LAT2: variants seen among roughly 807,000 people sequenced by gnomAD.
LAT2 encodes the protein linker for activation of T cells family member 2, also known as linker for activation of T-cells family member 2.
In LAT2, 23 loss-of-function variants were observed where a neutral mutation model predicts 43.4. That is an observed-to-expected ratio of 0.53 (90% CI 0.38 to 0.75). The LOEUF (loss-of-function observed/expected upper bound fraction) is 0.75. Ranked by LOEUF, LAT2 falls within the 30% of genes least tolerant of loss-of-function variation. The probability of loss-of-function intolerance (pLI) is 0.00; values close to 1 mark genes in which losing one functional copy is unlikely to be tolerated. For synonymous variants in LAT2, 128 were observed against 123.2 expected, an observed-to-expected ratio of 1.04 and a Z score of -0.26; for missense variants, 284 against 310.2, an observed-to-expected ratio of 0.92 and a Z score of 0.64.
chr7:74,219,807 C>T lies in LAT2; in HGVS notation c.178+20C>T, dbSNP rs1024060803. The stretch of plus-strand genomic sequence containing the variant: ...ACTCCTGTGAGTCTCCAAGTGTCCC[C>T]GGGTTGGGCTCTGGGTTGGGGGTGT... On this transcript the variant is annotated intron_variant, in intron 5 of 13. Coordinates refer to ENST00000460943, the MANE Select transcript of LAT2 (RefSeq NM_032464.3). 48 of 1,613,878 alleles carry T rather than the reference C, an allele frequency of 3.0e-5. No homozygotes were observed. The highest frequency in any genetic ancestry group is 2.3e-4 in the Admixed American group (14 of 60,014).
chr7:74,223,906 C>T (rs1802385507), intron 11 of LAT2, 112 bp from the exon 12 acceptor site: 1 of 1,476,100 alleles, frequency 6.8e-7, no homozygotes, highest in African/African-American at 1.4e-5. Flanking sequence ...CTCTCGGATC[C>T]CCAGGTACCT....
intron 1 of LAT2, among the ~76,000 whole-genome samples, chr7:74,214,364 AT>A (rs1801897955): frequency 1.6e-5 from 1 of 64,460 alleles, no homozygotes; most frequent in Non-Finnish European, 2.6e-5. Flanking sequence ...ATATATAAAT[AT>A]ATATATATGA....
At chr7:74,213,765 A>G (rs1554713542) in intron 1 of LAT2, among the ~76,000 whole-genome samples, 1 of 151,664 alleles carries the variant, frequency 6.6e-6, no homozygotes, top group Admixed American at 6.6e-5. Flanking sequence ...TCCAAGCCTC[A>G]CCTTCCCCAG....
chr7:74,220,797 C>G lies in LAT2; in HGVS notation c.332+63C>G. Reference sequence around the variant, plus strand: ...TCCCCCTGCCCCACCTCTCCCCCTGCCCCACCTCTCCCCCTGCCCCACCTG... The same window carrying G: ...TCCCCCTGCCCCACCTCTCCCCCTGGCCCACCTCTCCCCCTGCCCCACCTG... On this transcript the variant is annotated intron_variant, in intron 9 of 13. Transcript: ENST00000460943. The surrounding 1 kb of genome is among the most constrained non-coding windows in gnomAD (Gnocchi z 4.5). The G allele has an allele frequency of 1.5e-6, 2 of 1,362,918 alleles. No homozygotes were observed. Among genetic ancestry groups the G allele is most frequent in the South Asian group, 2.9e-5 (2 of 69,604 alleles). 84.4% of individuals were successfully genotyped at this position (1,362,918 alleles called of 1,614,324 possible).
At position 74,220,547 on chromosome 7, in the gene LAT2, C is replaced by A. The variant is rs1554715040; in HGVS notation, c.266-37C>A. The A allele has an allele frequency of 6.2e-7, 1 of 1,613,466 alleles. No individual in the cohort carries two copies. Among genetic ancestry groups the A allele is most frequent in the Admixed American group, 1.7e-5 (1 of 59,944 alleles). The stretch of plus-strand genomic sequence containing the variant: ...ACCCGAGCTGGGTGCAAAGCAGGGG[C>A]CAGGGGAGAAAGCAATTAGCTGGGT... On this transcript the variant is annotated intron_variant, in intron 7 of 13. Coordinates refer to ENST00000460943, the MANE Select transcript of LAT2 (RefSeq NM_032464.3). The surrounding 1 kb of genome is among the most constrained non-coding windows in gnomAD (Gnocchi z 4.5).
rs781806954 is a variant in LAT2, at chr7:74,219,009, C to CTT, written c.135-698_135-697dup. Among the ~76,000 whole-genome samples, 28 of 48,800 alleles carry CTT rather than the reference C, an allele frequency of 5.7e-4. 10 individuals carry two copies. Among genetic ancestry groups the CTT allele is most frequent in the Non-Finnish European group, 6.2e-4 (16 of 25,698 alleles). 32.0% of individuals were successfully genotyped at this position (48,800 alleles called of 152,430 possible). ...CACCATGCCGGGTCTAGAGTGTGTG[C>CTT]TTTTTTTTTTTTTTTTTTTTTTTTT... is the stretch of plus-strand genomic sequence containing the variant. On this transcript the variant is annotated intron_variant, in intron 4 of 13. Coordinates refer to ENST00000460943, the MANE Select transcript of LAT2 (RefSeq NM_032464.3).
At chr7:74,221,726 G>A (rs782134197) in intron 10 of LAT2, 34 bp downstream of exon 10, 1 of 1,595,712 alleles carries the variant, frequency 6.3e-7, no homozygotes, top group Non-Finnish European at 8.6e-7. Context: ...GGTGGAGGAA[G>A]TGGTGTGGGA....
At chr7:74,217,585 C>T (rs1000607875) in intron 4 of LAT2, among the ~76,000 whole-genome samples, 1 of 152,170 alleles carries the variant, frequency 6.6e-6, no homozygotes, top group Non-Finnish European at 1.5e-5. Flanking sequence ...TGAACGTTGT[C>T]GGAGACTCCC....
chr7:74,221,637 A>G lies in LAT2; in HGVS notation c.333A>G (p.Ile111Met). 1.2e-6 allele frequency: 2 copies of G among 1,613,228 alleles called. No homozygotes were observed. The highest frequency in any genetic ancestry group is 8.5e-7 in the Non-Finnish European group (1 of 1,179,516). Reference protein sequence around the residue: ...GSRHGSEEAYIDPIAMEYYNW... With the variant: ...GSRHGSEEAYMDPIAMEYYNW... ...GTGTTGTATATGTTTTCTTGGCCAGAGACCCCATTGCCATGGAGTATTACA... is the reference window on the plus strand; with the variant it reads ...GTGTTGTATATGTTTTCTTGGCCAGGGACCCCATTGCCATGGAGTATTACA... Residue 111 changes from isoleucine to methionine, a missense_variant and splice_region_variant, in exon 10 of 14, where the codon ATA becomes ATG. By Grantham distance (10) the Ile-to-Met change is conservative. Coordinates refer to ENST00000460943, the MANE Select transcript of LAT2 (RefSeq NM_032464.3).
At chr7:74,224,300 C>T (rs2116185238) in intron 12 of LAT2, 103 bp downstream of exon 12, 1 of 1,257,388 alleles carries the variant, frequency 8.0e-7, no homozygotes. Flanking sequence ...GCCAGTCCAG[C>T]TAACCCCGCA....
chr7:74,213,413 G>A (rs1215155342), intron 1 of LAT2, among the ~76,000 whole-genome samples: 1 of 144,538 alleles, frequency 6.9e-6, no homozygotes, highest in East Asian at 2.0e-4. Flanking sequence ...GAGCCACTGT[G>A]CCCGGCCATT....
At chr7:74,211,029 G>A (rs73129373) in intron 1 of LAT2, among the ~76,000 whole-genome samples, 5 of 152,114 alleles carry the variant, frequency 3.3e-5, no homozygotes, top group Non-Finnish European at 7.4e-5. Flanking sequence ...GAACTTCCCC[G>A]AAGCCAGCTC....
At chr7:74,226,544 G>C (rs1422440297) in intron 13 of LAT2, 1 of 154,176 alleles carries the variant, frequency 6.5e-6, no homozygotes, top group African/African-American at 2.4e-5. Context: ...TGTAGTCCCA[G>C]CTACTTGGGA....
intron 1 of LAT2, among the ~76,000 whole-genome samples, chr7:74,214,179 A>T (rs1200006500): frequency 4.2e-5 from 4 of 94,420 alleles, no homozygotes; most frequent in East Asian, 5.5e-4. Flanking sequence ...TATATATGAA[A>T]ATATATATAA....
At chr7:74,221,139 G>C (rs1355994891) in intron 9 of LAT2, among the ~76,000 whole-genome samples, 2 of 152,104 alleles carry the variant, frequency 1.3e-5, no homozygotes. Flanking sequence ...TGGCTCACCA[G>C]GTGCGGTGGC....
At chr7:74,222,822 G>A (rs182009459) in intron 10 of LAT2, among the ~76,000 whole-genome samples, 12 of 152,094 alleles carry the variant, frequency 7.9e-5, no homozygotes, top group African/African-American at 1.9e-4. Context: ...TGATCCGCCC[G>A]CCTTGGCCTC....
chr7:74,221,962 G>A (rs1214081360), intron 10 of LAT2, among the ~76,000 whole-genome samples: 1 of 151,982 alleles, frequency 6.6e-6, no homozygotes, highest in Non-Finnish European at 1.5e-5. Flanking sequence ...GGGAGGTGGG[G>A]GGAGGCCAGG....
chr7:74,227,291 G>A lies in LAT2; in HGVS notation c.*19-1653G>A, dbSNP rs939529023. Among the ~76,000 whole-genome samples the A allele has an allele frequency of 4.0e-5, 6 of 151,790 alleles. No homozygotes were observed. In the East Asian group the frequency reaches 1.2e-3, roughly 29 times the overall value. On this transcript the variant is annotated intron_variant, in intron 13 of 13. Coordinates refer to ENST00000460943, the MANE Select transcript of LAT2 (RefSeq NM_032464.3). The stretch of plus-strand genomic sequence containing the variant: ...GGCTGGAGTGCAGTGGCGTGATCTC[G>A]GCTCACTGCAACCTCTGCCTCCTGG...
intron 9 of LAT2, 53 bp from the exon 10 acceptor site, chr7:74,221,584 A>C (rs1434189448): frequency 6.6e-7 from 1 of 1,508,612 alleles, no homozygotes; most frequent in Non-Finnish European, 9.2e-7. Context: ...GGAGCCCCCA[A>C]CCCGATCTCC....
Sources: gnomAD v4.1 joint callset for allele counts (sites outside exome capture counted in the v4.1 genomes callset) on GRCh38, gnomAD v4.1.1 for gene constraint, Gnocchi (gnomAD v3.1) non-coding constraint, MANE v1.5 for transcripts, NCBI Gene and HGNC (gene_info 2026-07-23, HGNC 2026-07-21) for gene names.